Variants in TEC observed in about 807,000 individuals in gnomAD.
TEC encodes the protein tec protein tyrosine kinase.
Under a neutral mutation model 93.0 loss-of-function variants are expected in TEC, and 72 were observed. That is an observed-to-expected ratio of 0.77 (90% CI 0.64 to 0.94). The LOEUF is 0.94. Among genes scored for constraint, TEC ranks in the 40% least tolerant of loss-of-function variants. The pLI is 0.00. For synonymous variants in TEC, 249 were observed against 247.7 expected, an observed-to-expected ratio of 1.01 and a Z score of -0.05; for missense variants, 630 against 757.9, an observed-to-expected ratio of 0.83 and a Z score of 1.98.
Position 48,146,374 on chromosome 4 carries a change from T to A in TEC, c.1032A>T (p.Pro344=), listed in dbSNP as rs374532482. The A allele has an allele frequency of 2.5e-5, 41 of 1,613,774 alleles. No homozygotes were observed. The highest frequency in any genetic ancestry group is 3.4e-5 in the Non-Finnish European group (40 of 1,179,830). ...AAGLVTRLRY[P]VSVKGKNAPT... The stretch of plus-strand genomic sequence containing the variant: ...GTGCATTCTTCCCTTTCACACTAAC[T>A]GGGTACCGAAGCCTGGTGACAAGTC... Residue 344 remains proline, a synonymous_variant, in exon 12 of 18, where the codon CCA becomes CCT. Coordinates refer to ENST00000381501, the MANE Select transcript of TEC (RefSeq NM_003215.3).
Position 48,171,361 on chromosome 4 carries a change from G to A in TEC, c.325+7C>T, listed in dbSNP as rs1334136907. ...TATATACAGAGTAATATTTCATTGA[G>A]TTTTACCTTCTTTTAACTTCTTCAC... On this transcript the variant is annotated splice_region_variant and intron_variant, in intron 4 of 17. Transcript: ENST00000381501. The A allele has an allele frequency of 6.2e-7, 1 of 1,608,972 alleles. No individual in the cohort carries two copies. Among genetic ancestry groups the A allele is most frequent in the East Asian group, 2.2e-5 (1 of 44,802 alleles).
At chr4:48,238,306 C>A (rs147156451) in intron 1 of TEC, among the ~76,000 whole-genome samples, 1,941 of 152,300 alleles carry the variant, frequency 0.013, 33 homozygotes, top group African/African-American at 0.043. Flanking sequence ...TTATATATTT[C>A]TCCTTTCAGC....
At chr4:48,244,367 G>A (rs1476004119) in intron 1 of TEC, among the ~76,000 whole-genome samples, 2 of 152,208 alleles carry the variant, frequency 1.3e-5, no homozygotes, top group Admixed American at 6.5e-5. Context: ...AGGCAAGGAG[G>A]AGCAAGTCAC....
chr4:48,147,225 T>C (rs1001005771), intron 11 of TEC, among the ~76,000 whole-genome samples: 1 of 152,146 alleles, frequency 6.6e-6, no homozygotes, highest in African/African-American at 2.4e-5. Context: ...TCCTGAAATG[T>C]TAAACACAGA....
chr4:48,235,651 A>G (rs1723763406), intron 1 of TEC, among the ~76,000 whole-genome samples: 1 of 152,238 alleles, frequency 6.6e-6, no homozygotes, highest in Admixed American at 6.5e-5. Flanking sequence ...TGAGAGGTCA[A>G]TCTAATAACC....
chr4:48,206,760 A>G (rs569165697), intron 2 of TEC, among the ~76,000 whole-genome samples: 8 of 147,394 alleles, frequency 5.4e-5, no homozygotes, highest in Non-Finnish European at 8.9e-5. Flanking sequence ...GGGCAATATA[A>G]GGAGACCTCG....
chr4:48,189,224 T>G (rs1722006037), intron 2 of TEC, among the ~76,000 whole-genome samples: 1 of 152,236 alleles, frequency 6.6e-6, no homozygotes, highest in South Asian at 2.1e-4. Flanking sequence ...TCTCTTTATT[T>G]TGAATTCTAA....
At chr4:48,149,088 G>A (rs1302124413) in intron 11 of TEC, among the ~76,000 whole-genome samples, 1 of 152,122 alleles carries the variant, frequency 6.6e-6, no homozygotes, top group African/African-American at 2.4e-5. Flanking sequence ...TGGACATTTA[G>A]GTTAATTCCA....
chr4:48,186,146 C>A (rs1328136203), intron 2 of TEC, among the ~76,000 whole-genome samples: 1 of 152,232 alleles, frequency 6.6e-6, no homozygotes, highest in Non-Finnish European at 1.5e-5. Flanking sequence ...GACGGAGTCT[C>A]GCTCACTAGG....
chr4:48,230,136 A>T (rs1344952105), intron 1 of TEC, among the ~76,000 whole-genome samples: 1 of 152,126 alleles, frequency 6.6e-6, no homozygotes, highest in Non-Finnish European at 1.5e-5. Context: ...GACAGAGGCA[A>T]GAAGAGTCAC....
intron 2 of TEC, among the ~76,000 whole-genome samples, chr4:48,179,180 C>T (rs568328362): frequency 6.6e-6 from 1 of 151,508 alleles, no homozygotes. Context: ...AGCTTGTAGC[C>T]GCAGAATTGG....
intron 2 of TEC, among the ~76,000 whole-genome samples, chr4:48,183,035 G>A (rs1442206569): frequency 6.6e-6 from 1 of 152,116 alleles, no homozygotes; most frequent in Non-Finnish European, 1.5e-5. Flanking sequence ...TCCTGATGTG[G>A]CTGTTCCCAG....
chr4:48,177,449 T>C (rs1721375728), intron 2 of TEC, among the ~76,000 whole-genome samples: 1 of 152,200 alleles, frequency 6.6e-6, no homozygotes, highest in Admixed American at 6.5e-5. Context: ...TCTAATGTTC[T>C]GAAACCCCAG....
intron 11 of TEC, among the ~76,000 whole-genome samples, chr4:48,148,526 C>T (rs2704426): frequency 0.79 from 120,466 of 152,086 alleles, 47,795 homozygotes; most frequent in East Asian, 0.92. Context: ...AGATTCAAGA[C>T]GGTTAACTTG....
At chr4:48,147,495 A>AT (rs1398622183) in intron 11 of TEC, among the ~76,000 whole-genome samples, 1 of 152,192 alleles carries the variant, frequency 6.6e-6, no homozygotes. Context: ...GGCAATTTAC[A>AT]TTGTCTAGAA....
intron 8 of TEC, among the ~76,000 whole-genome samples, chr4:48,162,444 G>A (rs1720708919): frequency 6.6e-6 from 1 of 152,114 alleles, no homozygotes; most frequent in Non-Finnish European, 1.5e-5. Flanking sequence ...TTTAGATAAG[G>A]ATTATCTGGC....
intron 2 of TEC, among the ~76,000 whole-genome samples, chr4:48,208,705 T>C (rs1048444797): frequency 6.6e-6 from 1 of 152,182 alleles, no homozygotes; most frequent in Non-Finnish European, 1.5e-5. Flanking sequence ...ACTTTTCTCA[T>C]GGCAGGGGGA....
At chr4:48,168,673 A>G in intron 5 of TEC, 47 bp from the exon 6 acceptor site, 1 of 1,581,554 alleles carries the variant, frequency 6.3e-7, no homozygotes, top group East Asian at 2.2e-5. Flanking sequence ...ATCTACCAAT[A>G]ATTGATAAAA....
At chr4:48,265,501 A>ATATG (rs1186090212) in intron 1 of TEC, among the ~76,000 whole-genome samples, 2 of 108,056 alleles carry the variant, frequency 1.9e-5, no homozygotes, top group African/African-American at 6.2e-5. Flanking sequence ...ATGTGTGTAT[A>ATATG]TATATATATA....
Sources: allele counts gnomAD v4.1 joint callset (sites outside exome capture counted in the v4.1 genomes callset), GRCh38; gene constraint gnomAD v4.1.1; transcripts MANE v1.5; gene names NCBI Gene and HGNC (gene_info 2026-07-23, HGNC 2026-07-21).